KDM2B: variants seen among roughly 807,000 people sequenced by gnomAD.
KDM2B encodes the protein lysine-specific demethylase 2B.
KDM2B carries 26 observed loss-of-function variants against 150.0 expected under a neutral mutation model. That is an observed-to-expected ratio of 0.17 (90% confidence interval 0.13 to 0.24). The LOEUF (loss-of-function observed/expected upper bound fraction) is 0.24. Among genes scored for constraint, KDM2B ranks in the 10% least tolerant of loss-of-function variants. The pLI is 1.00. For missense variants in KDM2B, 1,265 were observed against 1,816.9 expected, an observed-to-expected ratio of 0.70 and a Z score of 5.52; for synonymous variants, 734 against 729.5, an observed-to-expected ratio of 1.01 and a Z score of -0.10.
the KDM2B span, chr12:121,418,010 A>G: frequency 7.8e-7 from 1 of 1,279,714 alleles, no homozygotes; most frequent in Admixed American, 2.2e-5. Context: ...ATAAACTTCA[A>G]GTCATGTGCT....
At chr12:121,488,150 C>T (rs1555299271) in intron 12 of KDM2B, among the ~76,000 whole-genome samples, 1 of 152,164 alleles carries the variant, frequency 6.6e-6, no homozygotes, top group African/African-American at 2.4e-5. Context: ...TCAGCACAGC[C>T]ATAACTATTG....
chr12:121,517,879 T>C (rs1441871827), intron 9 of KDM2B, among the ~76,000 whole-genome samples: 1 of 151,942 alleles, frequency 6.6e-6, no homozygotes, highest in Non-Finnish European at 1.5e-5. Flanking sequence ...AGCCATGTTT[T>C]AGGACTCTTA....
chr12:121,418,958 T>C, the KDM2B span, among the ~76,000 whole-genome samples: 1 of 152,182 alleles, frequency 6.6e-6, no homozygotes, highest in South Asian at 2.1e-4. Context: ...CTACCTGCCT[T>C]GGCCTAAGTG....
chr12:121,460,687 T>C (rs1593825753), intron 12 of KDM2B, among the ~76,000 whole-genome samples: 1 of 152,214 alleles, frequency 6.6e-6, no homozygotes, highest in East Asian at 1.9e-4. Context: ...GGATTACAGG[T>C]GTGAGCCATC....
intron 6 of KDM2B, among the ~76,000 whole-genome samples, chr12:121,538,053 G>A (rs1555309048): frequency 1.4e-5 from 2 of 146,736 alleles, no homozygotes; most frequent in African/African-American, 4.9e-5. Flanking sequence ...GCCAGGCCCC[G>A]GCCGAGGACG....
At chr12:121,416,187 G>A in the KDM2B span, 2 of 1,614,126 alleles carry the variant, frequency 1.2e-6, no homozygotes, top group Non-Finnish European at 1.7e-6. Flanking sequence ...TGGGCTTCGT[G>A]CTGTGGGCTG....
chr12:121,534,645 G>A (rs879973095), intron 6 of KDM2B, 55 bp from the exon 7 acceptor site: 14 of 1,334,850 alleles, frequency 1.0e-5, no homozygotes, highest in South Asian at 3.5e-5. Flanking sequence ...ATCACAAGAC[G>A]TAAGCAAAGG....
chr12:121,503,845 A>G (rs1884820095), intron 11 of KDM2B, among the ~76,000 whole-genome samples: 1 of 152,232 alleles, frequency 6.6e-6, no homozygotes, highest in Non-Finnish European at 1.5e-5. Flanking sequence ...CCCAAGGGTA[A>G]GTGCTTCAGA....
chr12:121,568,624 T>C (rs1555315419), intron 4 of KDM2B, among the ~76,000 whole-genome samples: 1 of 151,966 alleles, frequency 6.6e-6, no homozygotes, highest in Admixed American at 6.6e-5. Flanking sequence ...TGGCATAAAA[T>C]GTGAAAACAG....
chr12:121,493,659 C>T (rs1883600688), intron 12 of KDM2B, among the ~76,000 whole-genome samples: 1 of 152,080 alleles, frequency 6.6e-6, no homozygotes, highest in African/African-American at 2.4e-5. Flanking sequence ...GTGACTTGAC[C>T]TTTTCAAGCC....
Position 121,444,468 on chromosome 12 carries a change from G to T in KDM2B, c.2172C>A (p.His724Gln). ...CACTCACTTTCCCGGTCTTGCCGGCGTGGTTACACTTCGGACACTCCCAGC... is the reference window on the plus strand; with the variant it reads ...CACTCACTTTCCCGGTCTTGCCGGCTTGGTTACACTTCGGACACTCCCAGC... ...PNCWECPKCN[H>Q]AGKTGKQKRG... is the part of the protein sequence containing the mutation. Residue 724 changes from histidine (H) to glutamine (Q), a missense_variant, in exon 15 of 23, where the codon CAC becomes CAA. Coordinates refer to ENST00000377071, the MANE Select transcript of KDM2B (RefSeq NM_032590.5). The T allele has an allele frequency of 1.2e-6, 2 of 1,614,158 alleles. No individual in the cohort carries two copies. The highest frequency in any genetic ancestry group is 1.7e-6 in the Non-Finnish European group (2 of 1,180,032).
rs1880214102 is a variant in KDM2B at position 121,467,464 on chromosome 12, G to A, written c.1735-14120C>T. On this transcript the variant is annotated intron_variant, in intron 12 of 22. Transcript: ENST00000377071. The surrounding 1 kb of genome is among the most constrained non-coding windows in gnomAD (Gnocchi z 5.1). ...AGCCAGGAAGGGGCTGGCCCCCCGG[G>A]CGGGCGGGCCAATGGCGCGGCCGCG... 6.5e-6 allele frequency: 4 copies of A among 611,094 alleles called. No homozygotes were observed. The highest frequency in any genetic ancestry group is 8.2e-6 in the Non-Finnish European group (4 of 490,550). 37.9% of individuals were successfully genotyped at this position (611,094 alleles called of 1,614,324 possible). A position where few individuals can be genotyped will look rare whatever the true frequency, so the allele number is the denominator to read the frequency against.
At chr12:121,580,246 C>G in intron 1 of KDM2B, 1 of 1,289,336 alleles carries the variant, frequency 7.8e-7, no homozygotes, top group Non-Finnish European at 9.8e-7. Context: ...CCATTTTCAG[C>G]AGTTGTGGGG....
At chr12:121,415,011 G>A in the KDM2B span, among the ~76,000 whole-genome samples, 3 of 152,144 alleles carry the variant, frequency 2.0e-5, no homozygotes, top group Non-Finnish European at 2.9e-5. Context: ...CAGGAGAATC[G>A]CTTGAGCCCG....
rs1880115403 is a variant in KDM2B, at chr12:121,467,124, G to A, written c.1735-13780C>T. 2.7e-6 allele frequency: 3 copies of A among 1,107,190 alleles called. No homozygotes were observed. Among genetic ancestry groups the A allele is most frequent in the South Asian group, 3.5e-5 (2 of 57,954 alleles). 68.6% of individuals were successfully genotyped at this position (1,107,190 alleles called of 1,614,324 possible). The stretch of plus-strand genomic sequence containing the variant: ...CAGGCGGTCGGGAGGTCGTGCGGCG[G>A]GTCCCTCCCTCAGCCCCACCCCGGG... On this transcript the variant is annotated intron_variant, in intron 12 of 22. Transcript: ENST00000377071. This position sits in a 1 kb window ranked among gnomAD's most constrained non-coding sequence, Gnocchi z 5.1.
chr12:121,508,299 C>T lies in KDM2B; in HGVS notation c.1647+1268G>A, dbSNP rs540139065. On this transcript the variant is annotated intron_variant, in intron 11 of 22. Transcript: ENST00000377071. ...ATGGGGTCTCCCTATGTTGGCCAGG[C>T]TGGGCTCAAACTCCTGGCCTCAAAT... Among the ~76,000 whole-genome samples, 3 of 152,254 alleles carry T rather than the reference C, an allele frequency of 2.0e-5. No homozygotes were observed. In the East Asian group the frequency reaches 5.8e-4, roughly 29 times the overall value.
Position 121,442,708 on chromosome 12 carries a change from G to A in KDM2B, c.2733C>T (p.Arg911=), listed in dbSNP as rs781890562. 1 of 1,584,490 alleles carries A rather than the reference G, an allele frequency of 6.3e-7. No individual in the cohort carries two copies. The highest frequency in any genetic ancestry group is 1.8e-5 in the Admixed American group (1 of 54,596). ...PPKTRESDHS[R]SSSPTAGPST... ...TGGGTCCCGCGGTGGGGGAGCTGGA[G>A]CGGGAGTGGTCGCTCTCCCTGGTCT... Residue 911 remains arginine (R), a synonymous_variant, in exon 19 of 23, where the codon CGC becomes CGT. Transcript: ENST00000377071. The surrounding 1 kb of genome is among the most constrained non-coding windows in gnomAD (Gnocchi z 7.7).
At chr12:121,473,204 G>A (rs1555296157) in intron 12 of KDM2B, among the ~76,000 whole-genome samples, 2 of 151,414 alleles carry the variant, frequency 1.3e-5, no homozygotes, top group Non-Finnish European at 2.9e-5. Flanking sequence ...CAGCCTGGTT[G>A]ACATGGTGAA....
Position 121,444,022 on chromosome 12 carries a change from C to T in KDM2B, c.2441G>A (p.Gly814Glu), listed in dbSNP as rs782258980. 4 of 1,610,504 alleles carry T rather than the reference C, an allele frequency of 2.5e-6. No individual in the cohort carries two copies. Among genetic ancestry groups the T allele is most frequent in the Admixed American group, 3.3e-5 (2 of 59,864 alleles). ...RKYEKPQELS[G>E]RKRASSLQTS... ...CCTCCTGGTCCGTACCCGCTTGCGT[C>T]CACTCAGCTCCTGGGGCTTCTCGTA... The change falls in exon 16 of 23, where the codon GGA (glycine) becomes GAA (glutamate). Residue 814 changes from glycine to glutamate, a missense_variant. Physicochemically the swap from Gly to Glu is moderately conservative, Grantham distance 98. Around this residue, in one of 11 missense-constraint regions of KDM2B, gnomAD observed 418 missense variants for 402.4 expected, o/e 1.04. Coordinates refer to ENST00000377071, the MANE Select transcript of KDM2B (RefSeq NM_032590.5).
Sources: gnomAD v4.1 joint callset for allele counts (sites outside exome capture counted in the v4.1 genomes callset) on GRCh38, gnomAD v4.1.1 for gene constraint, gnomAD v4.1.1 regional missense constraint, Gnocchi (gnomAD v3.1) non-coding constraint, MANE v1.5 for transcripts, NCBI Gene and HGNC (gene_info 2026-07-23, HGNC 2026-07-21) for gene names.